MAPK10: variants seen among roughly 807,000 people sequenced by gnomAD.
MAPK10 encodes the protein JNK3 alpha protein kinase.
MAPK10 carries 25 observed loss-of-function variants against 59.3 expected under a neutral mutation model. The observed-to-expected ratio is 0.42, with a 90% CI of 0.31 to 0.59. The LOEUF (loss-of-function observed/expected upper bound fraction) is 0.59, where lower values mean the gene tolerates loss of function less well. Ranked by LOEUF, MAPK10 falls within the 20% of genes least tolerant of loss-of-function variation. The pLI is 0.15. For synonymous variants in MAPK10, 190 were observed against 200.5 expected (o/e 0.95, Z 0.44); for missense variants, 351 against 568.9 (o/e 0.62, Z 3.90).
intron 1 of MAPK10, among the ~76,000 whole-genome samples, chr4:86,381,301 A>T (rs1740671913): frequency 6.6e-6 from 1 of 152,232 alleles, no homozygotes; most frequent in South Asian, 2.1e-4. Flanking sequence ...TACAAGTCCA[A>T]AGGCAATGGG....
chr4:86,108,248 C>T (rs1423734787), intron 4 of MAPK10, among the ~76,000 whole-genome samples: 1 of 152,000 alleles, frequency 6.6e-6, no homozygotes, highest in Non-Finnish European at 1.5e-5. Flanking sequence ...CTATTTCTCT[C>T]ATATGCAGAG....
chr4:86,082,624 G>A (rs1161133043), intron 9 of MAPK10, among the ~76,000 whole-genome samples: 2 of 152,128 alleles, frequency 1.3e-5, no homozygotes, highest in African/African-American at 4.8e-5. Flanking sequence ...ATGGCTGAAG[G>A]CAGCCAAATT....
chr4:86,230,332 A>T (rs1246043239), intron 2 of MAPK10, among the ~76,000 whole-genome samples: 2 of 152,252 alleles, frequency 1.3e-5, no homozygotes, highest in Non-Finnish European at 2.9e-5. Flanking sequence ...TTTAAATTGT[A>T]TCACTCAAAG....
chr4:86,264,302 C>G (rs2094136020), intron 2 of MAPK10, among the ~76,000 whole-genome samples: 1 of 152,066 alleles, frequency 6.6e-6, no homozygotes, highest in South Asian at 2.1e-4. Context: ...AGTTGCCATT[C>G]CAAATTAAGA....
intron 1 of MAPK10, among the ~76,000 whole-genome samples, chr4:86,390,243 A>AT (rs1364034976): frequency 6.6e-6 from 1 of 152,210 alleles, no homozygotes; most frequent in Non-Finnish European, 1.5e-5. Flanking sequence ...TATGAGTTTT[A>AT]TTCAATGGTA....
intron 1 of MAPK10, among the ~76,000 whole-genome samples, chr4:86,506,239 T>C (rs1755726573): frequency 6.6e-6 from 1 of 152,162 alleles, no homozygotes; most frequent in South Asian, 2.1e-4. Flanking sequence ...TGAGGAACTG[T>C]CCTCTGAATA....
intron 2 of MAPK10, among the ~76,000 whole-genome samples, chr4:86,197,691 G>A (rs544340305): frequency 6.6e-6 from 1 of 152,122 alleles, no homozygotes; most frequent in South Asian, 2.1e-4. Flanking sequence ...ATCTGAGAGG[G>A]AAGGTCTGAA....
At chr4:86,507,206 A>C (rs1755805596) in intron 1 of MAPK10, among the ~76,000 whole-genome samples, 1 of 152,256 alleles carries the variant, frequency 6.6e-6, no homozygotes, top group South Asian at 2.1e-4. Context: ...AAAGAATAAG[A>C]GGCAAGCCCC....
At chr4:86,209,068 T>G (rs557972678) in intron 2 of MAPK10, among the ~76,000 whole-genome samples, 1 of 152,016 alleles carries the variant, frequency 6.6e-6, no homozygotes, top group Non-Finnish European at 1.5e-5. Flanking sequence ...ATGGTTCCAC[T>G]TGTATGTATC....
At chr4:86,487,677 G>A (rs575092609) in intron 1 of MAPK10, among the ~76,000 whole-genome samples, 2 of 150,058 alleles carry the variant, frequency 1.3e-5, no homozygotes, top group East Asian at 3.9e-4. Context: ...CTTGCAGTGA[G>A]CTGAGATAGT....
At chr4:86,072,362 T>C (rs1229906736) in intron 9 of MAPK10, among the ~76,000 whole-genome samples, 5 of 151,902 alleles carry the variant, frequency 3.3e-5, no homozygotes, top group East Asian at 3.9e-4. Context: ...ACTTCCTCTG[T>C]TCCTAATTGA....
intron 2 of MAPK10, among the ~76,000 whole-genome samples, chr4:86,310,807 A>G (rs570458960): frequency 1.3e-5 from 2 of 152,114 alleles, no homozygotes; most frequent in East Asian, 3.9e-4. Context: ...TTTCTTCTCA[A>G]GGAAGGTTCT....
chr4:86,434,526 AC>A (rs1185983435), intron 1 of MAPK10, among the ~76,000 whole-genome samples: 1 of 152,234 alleles, frequency 6.6e-6, no homozygotes, highest in Non-Finnish European at 1.5e-5. Flanking sequence ...CAAATGGCCA[AC>A]AGGTATATAA....
At chr4:86,461,000 G>A (rs930518126) in intron 1 of MAPK10, among the ~76,000 whole-genome samples, 1 of 152,132 alleles carries the variant, frequency 6.6e-6, no homozygotes, top group African/African-American at 2.4e-5. Context: ...GCACCACTGG[G>A]TTAGGGTCTC....
chr4:86,473,578 C>T (rs1223592170), intron 1 of MAPK10, among the ~76,000 whole-genome samples: 1 of 152,172 alleles, frequency 6.6e-6, no homozygotes, highest in African/African-American at 2.4e-5. Flanking sequence ...CACATAGAGG[C>T]CCAAACACTG....
intron 3 of MAPK10, among the ~76,000 whole-genome samples, chr4:86,174,025 A>G (rs1165124980): frequency 6.9e-6 from 1 of 145,266 alleles, no homozygotes; most frequent in Admixed American, 6.8e-5. Flanking sequence ...TGTTGGTGGG[A>G]ATATAAATTA....
chr4:86,209,169 C>G (rs1223166340), intron 2 of MAPK10, among the ~76,000 whole-genome samples: 2 of 151,938 alleles, frequency 1.3e-5, no homozygotes, highest in Admixed American at 6.6e-5. Context: ...AATTAACAAC[C>G]TACCATGAGA....
chr4:86,188,805 T>A (rs1025513752), intron 3 of MAPK10, among the ~76,000 whole-genome samples: 4 of 152,198 alleles, frequency 2.6e-5, no homozygotes, highest in African/African-American at 9.6e-5. Flanking sequence ...GTTTTAGTCA[T>A]GAAGTCTTTG....
chr4:86,021,574 G>A (rs1264712810), intron 13 of MAPK10, among the ~76,000 whole-genome samples: 1 of 152,244 alleles, frequency 6.6e-6, no homozygotes. Flanking sequence ...GGCTGCAGGT[G>A]GAGCTGCCTG....
Sources: allele counts gnomAD v4.1 joint callset (sites outside exome capture counted in the v4.1 genomes callset), GRCh38; gene constraint gnomAD v4.1.1; transcripts MANE v1.5; gene names NCBI Gene and HGNC (gene_info 2026-07-23, HGNC 2026-07-21).